The following KLHL6 variants were observed in gnomAD, a reference collection of about 807,000 sequenced individuals.
KLHL6 encodes the protein kelch like family member 6, also known as kelch-like protein 6.
Under a neutral mutation model 58.6 loss-of-function variants are expected in KLHL6, and 41 were observed. The ratio of observed to expected loss-of-function variants is 0.70; its 90% CI spans 0.55 to 0.91. The LOEUF (loss-of-function observed/expected upper bound fraction) is 0.91, where lower values mean the gene tolerates loss of function less well. Ranked by LOEUF, KLHL6 falls within the 40% of genes least tolerant of loss-of-function variation. KLHL6 has a pLI of 0.00. For synonymous variants in KLHL6, 338 were observed against 322.7 expected (o/e 1.05, Z -0.51); for missense variants, 714 against 805.6 (o/e 0.89, Z 1.38).
intron 1 of KLHL6, among the ~76,000 whole-genome samples, chr3:183,538,104 G>A (rs1054784854): frequency 2.3e-4 from 35 of 152,022 alleles, no homozygotes; most frequent in African/African-American, 8.0e-4. Context: ...GCCCTCCACC[G>A]CCACTAGGGA....
At chr3:183,507,994 C>A in intron 3 of KLHL6, 65 bp downstream of exon 3, 1 of 1,430,460 alleles carries the variant, frequency 7.0e-7, no homozygotes, top group Non-Finnish European at 9.6e-7. Context: ...GCTTGCATCT[C>A]TGTGAGCCCC....
At chr3:183,501,309 G>C (rs139371912) in intron 3 of KLHL6, among the ~76,000 whole-genome samples, 1 of 152,158 alleles carries the variant, frequency 6.6e-6, no homozygotes, top group Non-Finnish European at 1.5e-5. Flanking sequence ...TTCTCTTCAG[G>C]TGTCAGCCCT....
chr3:183,509,009 C>T (rs1264960602), intron 2 of KLHL6, among the ~76,000 whole-genome samples: 1 of 152,260 alleles, frequency 6.6e-6, no homozygotes, highest in African/African-American at 2.4e-5. Flanking sequence ...CTGCTAAAGA[C>T]GTCATGGGAA....
At chr3:183,547,758 A>C (rs1712773051) in intron 1 of KLHL6, among the ~76,000 whole-genome samples, 1 of 152,198 alleles carries the variant, frequency 6.6e-6, no homozygotes, top group African/African-American at 2.4e-5. Context: ...AGTCTTCATA[A>C]TATCAAGTAG....
Position 183,499,839 on chromosome 3 carries a change from T to C in KLHL6, c.910-12A>G, listed in dbSNP as rs756878900. The C allele has an allele frequency of 1.9e-6, 3 of 1,553,096 alleles. No homozygotes were observed. The highest frequency in any genetic ancestry group is 3.8e-5 in the Admixed American group (2 of 52,824). Reference sequence around the variant, plus strand: ...CGTTCCGAAATGATCTGGAAATCGATGGGGGTACATGAAGGCAGGGACAAC... The same window carrying C: ...CGTTCCGAAATGATCTGGAAATCGACGGGGGTACATGAAGGCAGGGACAAC... On this transcript the variant is annotated splice_polypyrimidine_tract_variant and intron_variant, in intron 3 of 6. Coordinates refer to ENST00000341319, the MANE Select transcript of KLHL6 (RefSeq NM_130446.4). The surrounding 1 kb of genome is among the most constrained non-coding windows in gnomAD (Gnocchi z 4.6).
At chr3:183,533,083 G>A (rs759104167) in intron 1 of KLHL6, among the ~76,000 whole-genome samples, 25 of 152,182 alleles carry the variant, frequency 1.6e-4, no homozygotes, top group Non-Finnish European at 3.4e-4. Flanking sequence ...TTAGGGAGCC[G>A]TTATCTCCCA....
intron 2 of KLHL6, among the ~76,000 whole-genome samples, chr3:183,516,684 T>C (rs1196314578): frequency 6.6e-6 from 1 of 152,210 alleles, no homozygotes; most frequent in African/African-American, 2.4e-5. Context: ...ACTCCATGTC[T>C]CCCTCAAGGT....
In KLHL6 at chr3:183,490,529, G is replaced by C. The variant is rs772321117; in HGVS notation, c.*1398C>G. The C allele has an allele frequency of 1.3e-5, 2 of 151,550 alleles. No homozygotes were observed. Among genetic ancestry groups the C allele is most frequent in the Non-Finnish European group, 2.9e-5 (2 of 67,944 alleles). The allele number at this position is 151,550 out of a possible 1,614,324, so 9.4% of individuals were successfully genotyped here. A position where few individuals can be genotyped will look rare whatever the true frequency, so the allele number is the denominator to read the frequency against. ...ATGATCATTTAAAAAAAAAAAGACCGGGCCCAGTGGCTCACACCTGTAATC... is the reference window on the plus strand; with the variant it reads ...ATGATCATTTAAAAAAAAAAAGACCCGGCCCAGTGGCTCACACCTGTAATC... On this transcript the variant is annotated 3_prime_UTR_variant, in exon 7 of 7. Transcript: ENST00000341319.
intron 1 of KLHL6, among the ~76,000 whole-genome samples, chr3:183,539,578 G>A (rs1014995885): frequency 3.9e-5 from 6 of 151,906 alleles, no homozygotes; most frequent in Non-Finnish European, 5.9e-5. Flanking sequence ...GTGTGGTGGC[G>A]GGTGCCTGTA....
At chr3:183,543,391 G>A (rs572790361) in intron 1 of KLHL6, among the ~76,000 whole-genome samples, 220 of 152,140 alleles carry the variant, frequency 1.4e-3, no homozygotes, top group African/African-American at 5.1e-3. Context: ...GAGGAGTGAG[G>A]ATTTTCATAG....
At position 183,542,855 on chromosome 3, in the gene KLHL6, CATGGATGGATGG is replaced by C. The variant is rs10581731; in HGVS notation, c.293+12494_293+12505del. 1.8e-3 allele frequency among the ~76,000 whole-genome samples: 251 copies of C among 143,150 alleles called. 2 individuals carry two copies. Among genetic ancestry groups the C allele is most frequent in the Middle Eastern group, 0.014 (4 of 288 alleles). The allele number at this position is 143,150 out of a possible 152,430, so 93.9% of individuals were successfully genotyped here. On this transcript the variant is annotated intron_variant, in intron 1 of 6. Transcript: ENST00000341319. ...TAAATTTGTGTCAAATGGATGGATACATGGATGGATGGATGGATGGATGGATGGATGGATGGA... is the reference window on the plus strand; with the variant it reads ...TAAATTTGTGTCAAATGGATGGATACATGGATGGATGGATGGATGGATGGA...
intron 1 of KLHL6, among the ~76,000 whole-genome samples, chr3:183,535,218 C>A (rs1227605126): frequency 6.6e-6 from 1 of 152,202 alleles, no homozygotes; most frequent in African/African-American, 2.4e-5. Context: ...GCTGGGATTA[C>A]AGGCGTGAGC....
intron 3 of KLHL6, among the ~76,000 whole-genome samples, chr3:183,503,430 GGT>G (rs61564587): frequency 0.03 from 4,628 of 152,284 alleles, 202 homozygotes; most frequent in East Asian, 0.18. Flanking sequence ...ATTTGCTTTT[GGT>G]GTGTTCTAAA....
chr3:183,495,222 T>C (rs1467584284), intron 4 of KLHL6, among the ~76,000 whole-genome samples: 1 of 152,228 alleles, frequency 6.6e-6, no homozygotes, highest in Non-Finnish European at 1.5e-5. Flanking sequence ...TGAATTTTTA[T>C]AGGTGCAGCC....
chr3:183,542,450 G>A (rs1347336182), intron 1 of KLHL6, among the ~76,000 whole-genome samples: 3 of 152,082 alleles, frequency 2.0e-5, no homozygotes, highest in Admixed American at 6.5e-5. Flanking sequence ...CTTCCCGGAT[G>A]TGCTTCTCTT....
At position 183,491,958 on chromosome 3, in the gene KLHL6, C is replaced by A. The variant is rs1218842801; in HGVS notation, c.1835G>T (p.Arg612Leu). The change falls in exon 7 of 7, where the codon CGC becomes CTC. Residue 612 changes from arginine to leucine, a missense_variant. This residue lies in a region of KLHL6 where 510 missense variants were observed against 629.7 expected (regional missense o/e 0.81). Coordinates refer to ENST00000341319, the MANE Select transcript of KLHL6 (RefSeq NM_130446.4). ...VTIRKSYTHIRRIVPGAVSV is the reference protein window; with the variant it reads ...VTIRKSYTHILRIVPGAVSV ...AGACACTGCTCCGGGCACGATCCTG[C>A]GGATGTGGGTGTACGACTTCCTGAT... The A allele has an allele frequency of 2.6e-6, 4 of 1,534,598 alleles. No individual in the cohort carries two copies. Among genetic ancestry groups the A allele is most frequent in the African/African-American group, 1.4e-5 (1 of 72,502 alleles).
At chr3:183,543,181 G>A (rs1318536589) in intron 1 of KLHL6, among the ~76,000 whole-genome samples, 1 of 152,136 alleles carries the variant, frequency 6.6e-6, no homozygotes, top group Non-Finnish European at 1.5e-5. Flanking sequence ...CAGCTACTCT[G>A]GAGGCTGAGG....
chr3:183,532,000 T>C (rs999870103), intron 1 of KLHL6, among the ~76,000 whole-genome samples: 1 of 152,246 alleles, frequency 6.6e-6, no homozygotes, highest in East Asian at 1.9e-4. Context: ...GAATGTATTT[T>C]GCATATAAGA....
chr3:183,495,012 T>C (rs1717676435), intron 4 of KLHL6, among the ~76,000 whole-genome samples: 1 of 152,338 alleles, frequency 6.6e-6, no homozygotes, highest in East Asian at 1.9e-4. Flanking sequence ...GTGATTTTAA[T>C]CAAATATTTA....
Sources: gnomAD v4.1 joint callset for allele counts (sites outside exome capture counted in the v4.1 genomes callset) on GRCh38, gnomAD v4.1.1 for gene constraint, gnomAD v4.1.1 regional missense constraint, Gnocchi (gnomAD v3.1) non-coding constraint, MANE v1.5 for transcripts, NCBI Gene and HGNC (gene_info 2026-07-23, HGNC 2026-07-21) for gene names.